FAAH2: variants seen among roughly 807,000 people sequenced by gnomAD.
The protein encoded by FAAH2 is fatty acid amide hydrolase 2, also known as fatty-acid amide hydrolase 2.
In FAAH2, 60 loss-of-function variants were observed where a neutral mutation model predicts 36.9. The observed-to-expected ratio is 1.63, with a 90% CI of 1.32 to 2.02. The LOEUF (loss-of-function observed/expected upper bound fraction) is 2.02, where lower values mean the gene tolerates loss of function less well. Among genes scored for constraint, FAAH2 ranks in the 30% most tolerant of loss-of-function variants. The probability of loss-of-function intolerance (pLI) is 0.00; values close to 1 mark genes in which losing one functional copy is unlikely to be tolerated. For missense variants in FAAH2, 689 were observed against 397.5 expected, an observed-to-expected ratio of 1.73 and a Z score of -6.23; for synonymous variants, 214 against 143.8, an observed-to-expected ratio of 1.49 and a Z score of -3.49.
chrX:57,451,973 AAGTTATTTAC>A (rs753776561), intron 10 of FAAH2, among the ~76,000 whole-genome samples: 20 of 112,374 alleles, frequency 1.8e-4, no homozygotes, highest in Non-Finnish European at 3.8e-4. Context: ...TATCTCAAAG[AAGTTATTTAC>A]AGTTTTCTTC....
At chrX:57,213,038 AT>A in the FAAH2 span, among the ~76,000 whole-genome samples, 1 of 111,262 alleles carries the variant, frequency 9.0e-6, no homozygotes, top group Non-Finnish European at 1.9e-5. Flanking sequence ...TCTATTCAGG[AT>A]TTCTTTCTGG....
the FAAH2 span, among the ~76,000 whole-genome samples, chrX:57,169,499 T>C: frequency 0.013 from 2 of 160 alleles, no homozygotes; most frequent in Admixed American, 0.05. Context: ...AACACCAGTA[T>C]ATATATATAT....
At chrX:57,441,009 T>G (rs1387703098) in intron 8 of FAAH2, among the ~76,000 whole-genome samples, 2 of 111,773 alleles carry the variant, frequency 1.8e-5, no homozygotes, top group East Asian at 5.6e-4. Context: ...TTTGCCAGTA[T>G]TTTATTGAGG....
chrX:57,209,416 T>C, the FAAH2 span, among the ~76,000 whole-genome samples: 5 of 111,647 alleles, frequency 4.5e-5, no homozygotes, highest in Admixed American at 4.7e-4. Context: ...CAGGACTGCA[T>C]CCTTCCCTTC....
chrX:57,316,878 A>C (rs1186514645), intron 3 of FAAH2, among the ~76,000 whole-genome samples: 1 of 111,809 alleles, frequency 8.9e-6, no homozygotes, highest in Non-Finnish European at 1.9e-5. Context: ...TAAATGAAAA[A>C]TTTACAAGTG....
intron 7 of FAAH2, among the ~76,000 whole-genome samples, chrX:57,422,049 G>T (rs967859689): frequency 9.0e-6 from 1 of 111,093 alleles, no homozygotes; most frequent in African/African-American, 3.3e-5. Flanking sequence ...GAAACAAACT[G>T]CTTCCGGCTG....
intron 7 of FAAH2, among the ~76,000 whole-genome samples, chrX:57,425,677 A>G (rs1389450628): frequency 1.8e-5 from 2 of 111,978 alleles, no homozygotes; most frequent in South Asian, 3.7e-4. Flanking sequence ...TGAATTTATC[A>G]TGACTATACT....
the FAAH2 span, among the ~76,000 whole-genome samples, chrX:57,216,624 G>GTA: frequency 2.9e-4 from 17 of 57,785 alleles, 1 homozygote; most frequent in South Asian, 1.6e-3. Context: ...ATATATATAC[G>GTA]TATATATATA....
the FAAH2 span, among the ~76,000 whole-genome samples, chrX:57,177,577 AATATATATATATATATATATATATAT>A: frequency 4.1e-3 from 143 of 34,790 alleles, 1 homozygote; most frequent in African/African-American, 0.012. Context: ...TCAAAATTTA[AATATATATATATATATATATATATAT>A]ATATATATAT....
At chrX:57,472,864 G>T (rs929481619) in intron 10 of FAAH2, among the ~76,000 whole-genome samples, 3 of 111,188 alleles carry the variant, frequency 2.7e-5, no homozygotes, top group Non-Finnish European at 5.7e-5. Flanking sequence ...GGCATAAGTT[G>T]TAATATCACC....
rs763219221 is a variant in FAAH2 at position 57,487,242 on chromosome X, C to T, written c.1424-1515C>T. Among the ~76,000 whole-genome samples, 10 of 109,955 alleles carry T rather than the reference C, an allele frequency of 9.1e-5. No individual in the cohort carries two copies. The South Asian group carries it at 3.9e-3, about 43-fold the overall frequency. On this transcript the variant is annotated intron_variant, in intron 10 of 10. Coordinates refer to ENST00000374900, the MANE Select transcript of FAAH2 (RefSeq NM_174912.4). ...GAGATAAAAGGTTTCCTAGATACAG[C>T]TTCAAAAGCCCAGGCAATAAAAGAA...
chrX:57,320,649 T>A (rs1380781963), intron 3 of FAAH2, among the ~76,000 whole-genome samples: 1 of 112,484 alleles, frequency 8.9e-6, no homozygotes, highest in East Asian at 2.8e-4. Flanking sequence ...TACCATTTGA[T>A]CCATCAATCC....
chrX:57,429,338 CAAA>C (rs34604723), intron 7 of FAAH2, among the ~76,000 whole-genome samples: 4 of 53,171 alleles, frequency 7.5e-5, no homozygotes, highest in Admixed American at 2.7e-4. Flanking sequence ...GATTCCATCT[CAAA>C]AAAAAAAAAA....
intron 8 of FAAH2, among the ~76,000 whole-genome samples, chrX:57,441,780 A>G (rs1416858993): frequency 2.7e-5 from 3 of 111,143 alleles, no homozygotes; most frequent in Non-Finnish European, 5.7e-5. Context: ...ACTGCTTTAA[A>G]TGTGTCCCAG....
At chrX:57,161,349 G>A in the FAAH2 span, among the ~76,000 whole-genome samples, 1 of 111,624 alleles carries the variant, frequency 9.0e-6, no homozygotes, top group Non-Finnish European at 1.9e-5. Flanking sequence ...GATTTGGGGT[G>A]GAGAGTTCTG....
At chrX:57,456,908 A>G (rs2056873123) in intron 10 of FAAH2, among the ~76,000 whole-genome samples, 1 of 112,016 alleles carries the variant, frequency 8.9e-6, no homozygotes, top group Admixed American at 9.4e-5. Context: ...TCCCAAGAAA[A>G]TCGAAGAAGA....
the FAAH2 span, among the ~76,000 whole-genome samples, chrX:57,150,022 G>C: frequency 8.9e-6 from 1 of 112,048 alleles, no homozygotes; most frequent in Non-Finnish European, 1.9e-5. Flanking sequence ...TATCTACACA[G>C]TAGTCATTCA....
At chrX:57,266,968 G>A in the FAAH2 span, among the ~76,000 whole-genome samples, 9 of 112,129 alleles carry the variant, frequency 8.0e-5, no homozygotes, top group East Asian at 2.3e-3. Context: ...ACATCAGATG[G>A]GGCTAGTCCC....
chrX:57,128,872 C>T, the FAAH2 span, among the ~76,000 whole-genome samples: 1 of 111,339 alleles, frequency 9.0e-6, no homozygotes, highest in East Asian at 2.8e-4. Flanking sequence ...AAGAAACCAT[C>T]TAAAAGACAA....
Sources: gnomAD v4.1 joint callset for allele counts (sites outside exome capture counted in the v4.1 genomes callset) on GRCh38, gnomAD v4.1.1 for gene constraint, MANE v1.5 for transcripts, NCBI Gene and HGNC (gene_info 2026-07-23, HGNC 2026-07-21) for gene names.